The following FBXO25 variants were observed in gnomAD, a reference collection of about 807,000 sequenced individuals.
The protein encoded by FBXO25 is F-box protein 25.
In FBXO25, 45 loss-of-function variants were observed where a neutral mutation model predicts 51.9. The observed-to-expected ratio is 0.87, with a 90% CI of 0.68 to 1.11. The LOEUF (loss-of-function observed/expected upper bound fraction) is 1.11. Among genes scored for constraint, FBXO25 ranks in the 50% most tolerant of loss-of-function variants. The probability of loss-of-function intolerance (pLI) is 0.00; values close to 1 mark genes in which losing one functional copy is unlikely to be tolerated. For synonymous variants in FBXO25, 199 were observed against 151.0 expected, an observed-to-expected ratio of 1.32 and a Z score of -2.33; for missense variants, 507 against 428.5, an observed-to-expected ratio of 1.18 and a Z score of -1.62.
At chr8:415,427 G>C (rs1187013872) in intron 2 of FBXO25, among the ~76,000 whole-genome samples, 2 of 152,204 alleles carry the variant, frequency 1.3e-5, no homozygotes, top group Non-Finnish European at 2.9e-5. Context: ...TATTACTGAG[G>C]TTTAAACATA....
intron 1 of FBXO25, among the ~76,000 whole-genome samples, chr8:408,504 A>G (rs1796300982): frequency 6.6e-6 from 1 of 152,218 alleles, no homozygotes; most frequent in South Asian, 2.1e-4. Context: ...AAAATACATA[A>G]TGAAACTTGT....
intron 4 of FBXO25, 133 bp downstream of exon 4, chr8:433,068 C>T (rs957015437): frequency 1.7e-6 from 2 of 1,201,176 alleles, no homozygotes; most frequent in Non-Finnish European, 2.2e-6. Flanking sequence ...GGTTCACATT[C>T]TGACAGATAA....
At position 468,866 on chromosome 8, in the gene FBXO25, T is replaced by G; in HGVS notation, c.*62T>G. On this transcript the variant is annotated 3_prime_UTR_variant, in exon 10 of 10. Transcript: ENST00000350302. ...CCTGCTGTCTGTGCAGGGCTCATAG[T>G]GAGTGTTCTGTGAGGTGGGTGGAGA... The G allele has an allele frequency of 1.3e-6, 2 of 1,512,922 alleles. No individual in the cohort carries two copies. Among genetic ancestry groups the G allele is most frequent in the Non-Finnish European group, 1.8e-6 (2 of 1,104,478 alleles). The allele number at this position is 1,512,922 out of a possible 1,614,324, so 93.7% of individuals were successfully genotyped here.
chr8:409,275 A>G (rs1165181532), intron 1 of FBXO25, among the ~76,000 whole-genome samples: 1 of 152,254 alleles, frequency 6.6e-6, no homozygotes, highest in Non-Finnish European at 1.5e-5. Context: ...TGTGATCCAT[A>G]GAGCATACCA....
At chr8:467,105 C>G (rs571022714) in intron 9 of FBXO25, among the ~76,000 whole-genome samples, 5 of 152,218 alleles carry the variant, frequency 3.3e-5, no homozygotes, top group African/African-American at 1.2e-4. Context: ...TCTGGTGGTC[C>G]TGGTCTTGCA....
chr8:418,575 G>C (rs555004948), intron 2 of FBXO25, among the ~76,000 whole-genome samples: 1 of 152,070 alleles, frequency 6.6e-6, no homozygotes, highest in African/African-American at 2.4e-5. Flanking sequence ...CTTGACCTCA[G>C]GTGATGCACC....
At position 476,832 on chromosome 8, in the gene FBXO25, C is replaced by T. The variant is rs1800658641; in HGVS notation, c.*8028C>T. ...ATCTTTATTATTATTATAATCATCTCCATTCTGCTGGCTTTGGGTTGATTG... is the reference window on the plus strand; with the variant it reads ...ATCTTTATTATTATTATAATCATCTTCATTCTGCTGGCTTTGGGTTGATTG... On this transcript the variant is annotated 3_prime_UTR_variant, in exon 10 of 10. Coordinates refer to ENST00000350302, the MANE Select transcript of FBXO25 (RefSeq NM_183420.2). 6.7e-6 allele frequency: 1 copy of T among 150,248 alleles called. No individual in the cohort carries two copies. Among genetic ancestry groups the T allele is most frequent in the Non-Finnish European group, 1.5e-5 (1 of 67,762 alleles). The allele number at this position is 150,248 out of a possible 1,614,324, so 9.3% of individuals were successfully genotyped here. A position where few individuals can be genotyped will look rare whatever the true frequency, so the allele number is the denominator to read the frequency against.
chr8:418,585 C>A (rs1563064269), intron 2 of FBXO25, among the ~76,000 whole-genome samples: 1 of 152,082 alleles, frequency 6.6e-6, no homozygotes, highest in Non-Finnish European at 1.5e-5. Context: ...GGTGATGCAC[C>A]CGCCTCAGCC....
At chr8:446,374 T>A (rs17745365) in intron 5 of FBXO25, among the ~76,000 whole-genome samples, 16,191 of 152,244 alleles carry the variant, frequency 0.11, 1,182 homozygotes, top group East Asian at 0.37. Flanking sequence ...TTCTTTCATG[T>A]CTTAGTGCTG....
chr8:456,674 A>G (rs1184005795), intron 7 of FBXO25, among the ~76,000 whole-genome samples: 1 of 152,192 alleles, frequency 6.6e-6, no homozygotes, highest in Non-Finnish European at 1.5e-5. Context: ...CCAGAATGTT[A>G]GAGCACTTCA....
intron 2 of FBXO25, among the ~76,000 whole-genome samples, chr8:427,862 T>C (rs1160190412): frequency 6.6e-6 from 1 of 151,622 alleles, no homozygotes; most frequent in African/African-American, 2.4e-5. Flanking sequence ...TGTCTTATTT[T>C]CCTAGACTTG....
intron 2 of FBXO25, among the ~76,000 whole-genome samples, chr8:421,665 T>TTCTAAGTCTGTTGACAGAGGGCCTTAG (rs1229974145): frequency 6.6e-6 from 1 of 152,190 alleles, no homozygotes; most frequent in Non-Finnish European, 1.5e-5. Flanking sequence ...CACATCTGTT[T>TTCTAAGTCTGTTGACAGAGGGCCTTAG]TCTAAGTCTG....
intron 2 of FBXO25, among the ~76,000 whole-genome samples, 191 bp downstream of exon 2, chr8:413,404 G>A (rs529618908): frequency 4.6e-5 from 7 of 151,748 alleles, no homozygotes; most frequent in Non-Finnish European, 5.9e-5. Flanking sequence ...AGATGCTTTC[G>A]TCTTTTTTTT....
chr8:463,514 C>T (rs992800102), intron 9 of FBXO25, among the ~76,000 whole-genome samples: 7 of 152,176 alleles, frequency 4.6e-5, no homozygotes, highest in African/African-American at 1.2e-4. Flanking sequence ...ACAAGTGCAC[C>T]TTCCTCGTTT....
chr8:458,602 C>T, intron 8 of FBXO25, 51 bp downstream of exon 8: 2 of 1,572,738 alleles, frequency 1.3e-6, no homozygotes, highest in Non-Finnish European at 1.7e-6. Flanking sequence ...ATAGACTCTG[C>T]CTGGGGGCCA....
rs937105828 is a variant in FBXO25 at position 475,777 on chromosome 8, A to T, written c.*6973A>T. 4 of 151,674 alleles carry T rather than the reference A, an allele frequency of 2.6e-5. No individual in the cohort carries two copies. The highest frequency in any genetic ancestry group is 5.9e-5 in the Non-Finnish European group (4 of 67,870). 9.4% of individuals were successfully genotyped at this position (151,674 alleles called of 1,614,324 possible). On this transcript the variant is annotated 3_prime_UTR_variant, in exon 10 of 10. Transcript: ENST00000350302. ...TTTTGTAAACTGCAGTGTTACTGAAATTTTTTTTTGTATATGTATGGACAC... is the reference window on the plus strand; with the variant it reads ...TTTTGTAAACTGCAGTGTTACTGAATTTTTTTTTTGTATATGTATGGACAC...
chr8:439,166 T>TG (rs1289872924), intron 5 of FBXO25, among the ~76,000 whole-genome samples: 3 of 152,158 alleles, frequency 2.0e-5, no homozygotes, highest in Non-Finnish European at 4.4e-5. Context: ...AATGTGACTG[T>TG]GGTTTTTACA....
In FBXO25 at chr8:472,047, C is replaced by T. The variant is rs1355741315; in HGVS notation, c.*3243C>T. 1 of 152,188 alleles carries T rather than the reference C, an allele frequency of 6.6e-6. No homozygotes were observed. The highest frequency in any genetic ancestry group is 1.5e-5 in the Non-Finnish European group (1 of 68,042). The allele number at this position is 152,188 out of a possible 1,614,324, so 9.4% of individuals were successfully genotyped here. On this transcript the variant is annotated 3_prime_UTR_variant, in exon 10 of 10. Transcript: ENST00000350302. ...GACAGTTTCACTTCTTCCTCTCAGT[C>T]TAGATGTCCTTTATTCTTTCTTACC...
chr8:450,598 A>G (rs1799020008), intron 6 of FBXO25: 1 of 152,348 alleles, frequency 6.6e-6, no homozygotes, highest in Admixed American at 6.5e-5. Context: ...AGTACAAAAG[A>G]ACGTGTAAAC....
Sources: gnomAD v4.1 joint callset for allele counts (sites outside exome capture counted in the v4.1 genomes callset) on GRCh38, gnomAD v4.1.1 for gene constraint, MANE v1.5 for transcripts, NCBI Gene and HGNC (gene_info 2026-07-23, HGNC 2026-07-21) for gene names.